The following SNTG2 variants were observed in gnomAD, a reference collection of about 807,000 sequenced individuals.
SNTG2 encodes the protein gamma-2-syntrophin.
In SNTG2, 74 loss-of-function variants were observed where a neutral mutation model predicts 70.9. That is an observed-to-expected ratio of 1.04 (90% CI 0.86 to 1.27). SNTG2 has a LOEUF of 1.27. Ranked by LOEUF, SNTG2 falls within the 50% of genes most tolerant of loss-of-function variation. SNTG2 has a pLI of 0.00. For synonymous variants in SNTG2, 278 were observed against 273.8 expected (o/e 1.02, Z -0.15); for missense variants, 717 against 690.7 (o/e 1.04, Z -0.43).
chr2:1,127,409 G>A (rs1020172967), intron 4 of SNTG2, among the ~76,000 whole-genome samples: 2 of 152,008 alleles, frequency 1.3e-5, no homozygotes, highest in Non-Finnish European at 2.9e-5. Context: ...CTTTATTCTT[G>A]TTTCTCAGGA....
At chr2:1,117,936 T>C (rs1277106610) in intron 4 of SNTG2, among the ~76,000 whole-genome samples, 1 of 152,194 alleles carries the variant, frequency 6.6e-6, no homozygotes, top group Non-Finnish European at 1.5e-5. Flanking sequence ...AGCTGTGCCC[T>C]GTATCCCAAG....
chr2:1,091,831 C>T (rs1665049560), intron 2 of SNTG2, among the ~76,000 whole-genome samples: 1 of 152,214 alleles, frequency 6.6e-6, no homozygotes, highest in East Asian at 1.9e-4. Flanking sequence ...CAAATATGCA[C>T]AAGAGTTTTC....
chr2:1,318,856 T>C (rs75019805), intron 16 of SNTG2, among the ~76,000 whole-genome samples: 2,295 of 152,314 alleles, frequency 0.015, 58 homozygotes, highest in African/African-American at 0.051. Context: ...GCCGGAGGTC[T>C]ACGGTGGCCA....
chr2:995,495 A>G (rs1168624506), intron 1 of SNTG2, among the ~76,000 whole-genome samples: 1 of 152,072 alleles, frequency 6.6e-6, no homozygotes. Context: ...TTTTGCATCT[A>G]TATTCATGAG....
intron 4 of SNTG2, among the ~76,000 whole-genome samples, chr2:1,110,466 CT>C (rs1241267443): frequency 8.5e-5 from 13 of 152,220 alleles, no homozygotes; most frequent in African/African-American, 3.1e-4. Context: ...CCTTTCTCCC[CT>C]AATACCTTCT....
intron 6 of SNTG2, among the ~76,000 whole-genome samples, chr2:1,143,243 A>G (rs4971475): frequency 0.37 from 56,829 of 151,966 alleles, 11,492 homozygotes; most frequent in East Asian, 0.83. Flanking sequence ...AAAATCAGAT[A>G]TGGGCTTGAG....
chr2:1,292,764 T>C (rs986339608), intron 14 of SNTG2, among the ~76,000 whole-genome samples: 6 of 152,198 alleles, frequency 3.9e-5, no homozygotes, highest in East Asian at 1.9e-4. Context: ...TTTGTTGAGA[T>C]TTTTGCATCA....
intron 4 of SNTG2, among the ~76,000 whole-genome samples, chr2:1,111,842 G>C (rs540102351): frequency 6.6e-6 from 1 of 152,248 alleles, no homozygotes. Flanking sequence ...GAAGAATCGT[G>C]TGTACTAAGT....
rs1313614886 is a variant in SNTG2, at chr2:1,047,007, G to GT, written c.73-36507dup. Among the ~76,000 whole-genome samples, 9 of 152,172 alleles carry GT rather than the reference G, an allele frequency of 5.9e-5. No individual in the cohort carries two copies. In the East Asian group the frequency reaches 1.7e-3, roughly 29 times the overall value. On this transcript the variant is annotated intron_variant, in intron 1 of 16. Coordinates refer to ENST00000308624, the MANE Select transcript of SNTG2 (RefSeq NM_018968.4). ...TTTCAGGAATGTCAGTCAGTCATAG[G>GT]TTTTGTCTCTTTATGTAGTCTCATA...
chr2:1,264,303 A>G (rs1023037006), intron 13 of SNTG2, among the ~76,000 whole-genome samples: 1 of 152,222 alleles, frequency 6.6e-6, no homozygotes, highest in African/African-American at 2.4e-5. Context: ...TGGAGCACAT[A>G]GTGTGACATG....
intron 1 of SNTG2, among the ~76,000 whole-genome samples, chr2:1,061,642 T>G (rs1662831718): frequency 6.6e-6 from 1 of 152,298 alleles, no homozygotes; most frequent in South Asian, 2.1e-4. Context: ...TAAAGGAAAT[T>G]GTGGGTGCTC....
chr2:1,009,534 C>T (rs889546397), intron 1 of SNTG2, among the ~76,000 whole-genome samples: 5 of 143,342 alleles, frequency 3.5e-5, no homozygotes, highest in Admixed American at 7.1e-5. Flanking sequence ...ACACCTGTGT[C>T]CCCAGGAAGA....
chr2:1,210,906 C>T (rs1335941969), intron 9 of SNTG2, among the ~76,000 whole-genome samples: 1 of 152,092 alleles, frequency 6.6e-6, no homozygotes, highest in African/African-American at 2.4e-5. Flanking sequence ...TGTGTTGTAG[C>T]CTGTATCATC....
At chr2:957,117 G>T (rs1430643664) in intron 1 of SNTG2, among the ~76,000 whole-genome samples, 2 of 152,124 alleles carry the variant, frequency 1.3e-5, no homozygotes, top group African/African-American at 2.4e-5. Flanking sequence ...CTAAACCTGG[G>T]GACATCCAGA....
At chr2:1,048,527 T>C (rs1661874490) in intron 1 of SNTG2, among the ~76,000 whole-genome samples, 1 of 152,234 alleles carries the variant, frequency 6.6e-6, no homozygotes, top group Admixed American at 6.5e-5. Context: ...AGTTGCACTT[T>C]GTATATTGTA....
chr2:1,264,419 C>G (rs1287546565), intron 13 of SNTG2, among the ~76,000 whole-genome samples: 1 of 152,214 alleles, frequency 6.6e-6, no homozygotes, highest in Non-Finnish European at 1.5e-5. Context: ...TGTGTACCTT[C>G]CCTCCTTCGT....
At chr2:1,098,440 C>T in intron 4 of SNTG2, 30 bp downstream of exon 4, 1 of 1,594,936 alleles carries the variant, frequency 6.3e-7, no homozygotes. Flanking sequence ...CCTGTGTATG[C>T]ATCACAGCCA....
intron 1 of SNTG2, among the ~76,000 whole-genome samples, chr2:1,057,296 T>A (rs1490927128): frequency 6.6e-6 from 1 of 152,148 alleles, no homozygotes; most frequent in East Asian, 1.9e-4. Context: ...ATATTCCTGA[T>A]TCTCTTCTGT....
At chr2:1,005,474 G>T (rs1182083432) in intron 1 of SNTG2, among the ~76,000 whole-genome samples, 2 of 151,946 alleles carry the variant, frequency 1.3e-5, no homozygotes, top group African/African-American at 4.8e-5. Context: ...TCTCTGTGAA[G>T]CTAAAACCCC....
Sources: allele counts gnomAD v4.1 joint callset (sites outside exome capture counted in the v4.1 genomes callset), GRCh38; gene constraint gnomAD v4.1.1; transcripts MANE v1.5; gene names NCBI Gene and HGNC (gene_info 2026-07-23, HGNC 2026-07-21).